Variants in ST6GALNAC3 observed in about 807,000 individuals in gnomAD.
ST6GALNAC3 encodes the protein alpha-N-acetylgalactosaminide alpha-2,6-sialyltransferase 3.
Under a neutral mutation model 32.7 loss-of-function variants are expected in ST6GALNAC3, and 25 were observed. The observed-to-expected ratio is 0.76, with a 90% CI of 0.56 to 1.07. The LOEUF (loss-of-function observed/expected upper bound fraction) is 1.07, where lower values mean the gene tolerates loss of function less well. Ranked by LOEUF, ST6GALNAC3 falls within the 50% of genes least tolerant of loss-of-function variation. The probability of loss-of-function intolerance (pLI) is 0.00; values close to 1 mark genes in which losing one functional copy is unlikely to be tolerated. For synonymous variants in ST6GALNAC3, 129 were observed against 133.1 expected (o/e 0.97, Z 0.21); for missense variants, 355 against 382.4 (o/e 0.93, Z 0.60).
intron 3 of ST6GALNAC3, among the ~76,000 whole-genome samples, chr1:76,510,475 G>A (rs1661785772): frequency 6.6e-6 from 1 of 152,066 alleles, no homozygotes; most frequent in South Asian, 2.1e-4. Flanking sequence ...AATAGAGTGA[G>A]GTATGGAACC....
At chr1:76,288,663 T>G (rs1659910413) in intron 1 of ST6GALNAC3, among the ~76,000 whole-genome samples, 1 of 152,156 alleles carries the variant, frequency 6.6e-6, no homozygotes, top group Non-Finnish European at 1.5e-5. Flanking sequence ...GCAGGATGTG[T>G]GCTTGTCTGA....
At chr1:76,587,860 G>A (rs557774588) in intron 3 of ST6GALNAC3, among the ~76,000 whole-genome samples, 1 of 152,122 alleles carries the variant, frequency 6.6e-6, no homozygotes. Flanking sequence ...AACAGGTGTA[G>A]ACAGGTCCTG....
chr1:76,343,600 T>A (rs1394728646), intron 2 of ST6GALNAC3, among the ~76,000 whole-genome samples: 1 of 152,202 alleles, frequency 6.6e-6, no homozygotes, highest in East Asian at 1.9e-4. Context: ...GTCTGTCAAA[T>A]GCTGATGTGC....
intron 1 of ST6GALNAC3, among the ~76,000 whole-genome samples, chr1:76,150,191 G>A (rs753255794): frequency 2.6e-5 from 4 of 152,106 alleles, no homozygotes; most frequent in Non-Finnish European, 4.4e-5. Flanking sequence ...CCATCTGAGA[G>A]CCTCTTTCTG....
At chr1:76,143,505 G>T (rs1335824060) in intron 1 of ST6GALNAC3, among the ~76,000 whole-genome samples, 2 of 151,546 alleles carry the variant, frequency 1.3e-5, no homozygotes, top group Non-Finnish European at 2.9e-5. Flanking sequence ...ATTTTTCTTT[G>T]AGTGGCCCCC....
At chr1:76,342,052 T>G (rs1323655656) in intron 2 of ST6GALNAC3, among the ~76,000 whole-genome samples, 2 of 152,210 alleles carry the variant, frequency 1.3e-5, no homozygotes, top group Non-Finnish European at 2.9e-5. Context: ...TCCTTTTTAA[T>G]GGCTGCATAG....
At position 76,365,183 on chromosome 1, in the gene ST6GALNAC3, A is replaced by G. The variant is rs183894573; in HGVS notation, c.214-46825A>G. 1.6e-3 allele frequency among the ~76,000 whole-genome samples: 241 copies of G among 152,326 alleles called. 2 individuals are homozygous for G. The highest frequency in any genetic ancestry group is 5.7e-3 in the African/African-American group (237 of 41,578). On this transcript the variant is annotated intron_variant, in intron 2 of 4. Transcript: ENST00000328299. ...AACCATGTACTTTGCAGTAACATGGATGGAGCTGGAGGCCATTATCCTAAG... is the reference window on the plus strand; with the variant it reads ...AACCATGTACTTTGCAGTAACATGGGTGGAGCTGGAGGCCATTATCCTAAG...
At chr1:76,347,484 G>T (rs192895442) in intron 2 of ST6GALNAC3, among the ~76,000 whole-genome samples, 2 of 151,460 alleles carry the variant, frequency 1.3e-5, no homozygotes, top group East Asian at 3.9e-4. Context: ...CTATGTATTT[G>T]TATGAGAATA....
chr1:76,572,497 C>G (rs1646718211), intron 3 of ST6GALNAC3, among the ~76,000 whole-genome samples: 1 of 152,006 alleles, frequency 6.6e-6, no homozygotes, highest in Admixed American at 6.6e-5. Context: ...TCCATGTGAC[C>G]AGGACTTTAT....
intron 3 of ST6GALNAC3, among the ~76,000 whole-genome samples, chr1:76,611,405 CA>C (rs1226136676): frequency 6.6e-6 from 1 of 151,766 alleles, no homozygotes. Flanking sequence ...TCTTTTGAGA[CA>C]AAAAAAGAAA....
intron 3 of ST6GALNAC3, among the ~76,000 whole-genome samples, chr1:76,566,011 C>G (rs1478734083): frequency 6.6e-6 from 1 of 152,062 alleles, no homozygotes; most frequent in Non-Finnish European, 1.5e-5. Flanking sequence ...CACTTAGAAC[C>G]GAGTCGGTAA....
At chr1:76,503,538 A>G (rs376758678) in intron 3 of ST6GALNAC3, among the ~76,000 whole-genome samples, 2 of 152,362 alleles carry the variant, frequency 1.3e-5, no homozygotes, top group East Asian at 3.9e-4. Flanking sequence ...ACTTTTACAG[A>G]GAATACAGTC....
chr1:76,623,322 C>T (rs1648760759), intron 3 of ST6GALNAC3, among the ~76,000 whole-genome samples: 1 of 151,848 alleles, frequency 6.6e-6, no homozygotes, highest in Non-Finnish European at 1.5e-5. Context: ...CCGGTAAAAT[C>T]AAAGGATTGA....
At chr1:76,381,690 T>G (rs1386981946) in intron 2 of ST6GALNAC3, among the ~76,000 whole-genome samples, 2 of 152,174 alleles carry the variant, frequency 1.3e-5, no homozygotes, top group African/African-American at 2.4e-5. Flanking sequence ...TTTCCTGTGA[T>G]GCATATGCAA....
chr1:76,142,885 G>A (rs780106249), intron 1 of ST6GALNAC3: 2 of 455,028 alleles, frequency 4.4e-6, no homozygotes, highest in South Asian at 3.1e-5. Context: ...AGCCACATTG[G>A]GTCAATTCAC....
In ST6GALNAC3 at chr1:76,629,701, A is replaced by G; in HGVS notation, c.*895A>G. 1.0e-6 allele frequency: 1 copy of G among 985,282 alleles called. No homozygotes were observed. Among genetic ancestry groups the G allele is most frequent in the Non-Finnish European group, 1.2e-6 (1 of 829,470 alleles). The allele number at this position is 985,282 out of a possible 1,614,324, so 61.0% of individuals were successfully genotyped here. On this transcript the variant is annotated 3_prime_UTR_variant, in exon 5 of 5. Transcript: ENST00000328299. Reference sequence around the variant, plus strand: ...TTTGCTAACTCTGCTTCAACATCCAACAACACAAAACTATATGATTTTTAA... The same window carrying G: ...TTTGCTAACTCTGCTTCAACATCCAGCAACACAAAACTATATGATTTTTAA...
At chr1:76,554,723 G>A (rs767909518) in intron 3 of ST6GALNAC3, among the ~76,000 whole-genome samples, 19 of 151,782 alleles carry the variant, frequency 1.3e-4, no homozygotes, top group Non-Finnish European at 2.8e-4. Context: ...CCAATGAAGA[G>A]CTGCTTCAAT....
intron 1 of ST6GALNAC3, among the ~76,000 whole-genome samples, chr1:76,113,580 G>C (rs1648247443): frequency 6.7e-6 from 1 of 149,490 alleles, no homozygotes; most frequent in African/African-American, 2.5e-5. Flanking sequence ...ATGTACTGTT[G>C]ATTGTACCTC....
intron 3 of ST6GALNAC3, among the ~76,000 whole-genome samples, chr1:76,560,689 A>G (rs138641041): frequency 6.6e-5 from 10 of 152,274 alleles, no homozygotes; most frequent in Non-Finnish European, 1.3e-4. Context: ...AATTGCAAAC[A>G]CTGGTGAAGA....
Sources: gnomAD v4.1 joint callset for allele counts (sites outside exome capture counted in the v4.1 genomes callset) on GRCh38, gnomAD v4.1.1 for gene constraint, MANE v1.5 for transcripts, NCBI Gene and HGNC (gene_info 2026-07-23, HGNC 2026-07-21) for gene names.